The following PLXDC1 variants were observed in gnomAD, a reference collection of about 807,000 sequenced individuals.
PLXDC1 encodes the protein plexin domain-containing protein 1.
In PLXDC1, 39 loss-of-function variants were observed where a neutral mutation model predicts 61.3. The ratio of observed to expected loss-of-function variants is 0.64; its 90% CI spans 0.49 to 0.83. The LOEUF (loss-of-function observed/expected upper bound fraction) is 0.83. PLXDC1 is among the 40% of genes least tolerant of loss of function. The pLI is 0.00. For missense variants in PLXDC1, 596 were observed against 666.5 expected (o/e 0.89, Z 1.17); for synonymous variants, 212 against 254.5 (o/e 0.83, Z 1.59).
chr17:39,131,981 C>T (rs16496), intron 2 of PLXDC1: 2,839 of 152,742 alleles, frequency 0.019, 83 homozygotes, highest in African/African-American at 0.064. Context: ...GACACAGGGT[C>T]CCTCGCATTC....
intron 1 of PLXDC1, among the ~76,000 whole-genome samples, chr17:39,145,728 T>C (rs988821192): frequency 5.3e-5 from 8 of 152,082 alleles, no homozygotes; most frequent in Non-Finnish European, 8.8e-5. Flanking sequence ...GGAACTTCAT[T>C]GTAGTATCAG....
intron 7 of PLXDC1, among the ~76,000 whole-genome samples, chr17:39,091,120 A>G (rs1339013962): frequency 6.6e-6 from 1 of 152,020 alleles, no homozygotes; most frequent in Admixed American, 6.5e-5. Context: ...CCCCCACCCT[A>G]GCTTCCCCTT....
At chr17:39,148,343 A>G (rs901090145) in intron 1 of PLXDC1, among the ~76,000 whole-genome samples, 3 of 152,032 alleles carry the variant, frequency 2.0e-5, no homozygotes, top group Admixed American at 6.6e-5. Context: ...ACCTGGGACT[A>G]CAGGCGCACA....
chr17:39,069,218 A>C lies in PLXDC1; in HGVS notation c.1383+638T>G, dbSNP rs137903181. On this transcript the variant is annotated intron_variant, in intron 13 of 13. Transcript: ENST00000315392. ...ACCACTGGGCTCAAGGGATCCTCCC[A>C]CCTCAGCTTCCCAAGCGGCTGGGAC... Among the ~76,000 whole-genome samples, 103 of 152,176 alleles carry C rather than the reference A, an allele frequency of 6.8e-4. 2 individuals are homozygous for C. The East Asian group carries it at 0.017, about 25-fold the overall frequency.
At chr17:39,136,871 TAAAC>T (rs1282587825) in intron 2 of PLXDC1, among the ~76,000 whole-genome samples, 2 of 151,020 alleles carry the variant, frequency 1.3e-5, no homozygotes, top group African/African-American at 2.4e-5. Flanking sequence ...CACTAACAAA[TAAAC>T]AACAAAAAAT....
At chr17:39,083,327 G>T in intron 9 of PLXDC1, 132 bp downstream of exon 9, 1 of 721,612 alleles carries the variant, frequency 1.4e-6, no homozygotes, top group Non-Finnish European at 2.5e-6. Context: ...TGTCCCAAGA[G>T]TCAGAGTGGT....
At position 39,106,648 on chromosome 17, in the gene PLXDC1, C is replaced by CTTTT. The variant is rs199666120; in HGVS notation, c.712-696_712-695insAAAA. ...GCCTTCTTTTTTCTTTTTTCTTTTT[C>CTTTT]TTTCTTTTTTTTTTTTTTTGAGACA... is the stretch of plus-strand genomic sequence containing the variant. On this transcript the variant is annotated intron_variant, in intron 6 of 13. Coordinates refer to ENST00000315392, the MANE Select transcript of PLXDC1 (RefSeq NM_020405.5). Among the ~76,000 whole-genome samples the CTTTT allele has an allele frequency of 9.8e-5, 12 of 122,584 alleles. 1 individual carries two copies. The highest frequency in any genetic ancestry group is 2.6e-4 in the South Asian group (1 of 3,888). The allele number at this position is 122,584 out of a possible 152,430, so 80.4% of individuals were successfully genotyped here.
Position 39,063,498 on chromosome 17 carries a change from A to C in PLXDC1, c.*4342T>G, listed in dbSNP as rs1239649351. The C allele has an allele frequency of 1.4e-6, 1 of 702,990 alleles. No individual in the cohort carries two copies. The highest frequency in any genetic ancestry group is 2.7e-5 in the East Asian group (1 of 37,294). The allele number at this position is 702,990 out of a possible 1,614,324, so 43.5% of individuals were successfully genotyped here. A position where few individuals can be genotyped will look rare whatever the true frequency, so the allele number is the denominator to read the frequency against. ...GCAGATAGCTGGAGGCTGTTCCCAC[A>C]GTCATGTCTCAGCGAAGAAGTCGGA... On this transcript the variant is annotated 3_prime_UTR_variant, in exon 14 of 14. Coordinates refer to ENST00000315392, the MANE Select transcript of PLXDC1 (RefSeq NM_020405.5).
intron 2 of PLXDC1, among the ~76,000 whole-genome samples, chr17:39,119,134 T>C (rs1911081049): frequency 6.6e-6 from 1 of 152,140 alleles, no homozygotes; most frequent in Non-Finnish European, 1.5e-5. Context: ...TGTCCAGCCC[T>C]TGGGTCTCCC....
intron 1 of PLXDC1, among the ~76,000 whole-genome samples, chr17:39,142,034 T>C (rs1911951194): frequency 6.6e-6 from 1 of 152,202 alleles, no homozygotes; most frequent in African/African-American, 2.4e-5. Context: ...TTCATTGTTA[T>C]GCGGGAACTG....
chr17:39,095,186 A>G (rs1336374717), intron 7 of PLXDC1, among the ~76,000 whole-genome samples: 2 of 150,962 alleles, frequency 1.3e-5, no homozygotes, highest in African/African-American at 4.9e-5. Flanking sequence ...TGTCCTCTGA[A>G]AATACAGTCC....
Position 39,151,277 on chromosome 17 carries a change from G to A in PLXDC1, c.76+85C>T. On this transcript the variant is annotated intron_variant, in intron 1 of 13. Transcript: ENST00000315392. This position sits in a 1 kb window ranked among gnomAD's most constrained non-coding sequence, Gnocchi z 5.2. Reference sequence around the variant, plus strand: ...ATGCCCCCCTCGCGGACATCGCCAGGCCGTCCACACCTGCCCATGCCCACA... The same window carrying A: ...ATGCCCCCCTCGCGGACATCGCCAGACCGTCCACACCTGCCCATGCCCACA... The A allele has an allele frequency of 2.9e-6, 3 of 1,050,644 alleles. No homozygotes were observed. Among genetic ancestry groups the A allele is most frequent in the Non-Finnish European group, 3.7e-6 (3 of 819,246 alleles). 65.1% of individuals were successfully genotyped at this position (1,050,644 alleles called of 1,614,324 possible).
chr17:39,093,227 C>G (rs926696386), intron 7 of PLXDC1, among the ~76,000 whole-genome samples: 4 of 151,974 alleles, frequency 2.6e-5, no homozygotes, highest in Non-Finnish European at 5.9e-5. Context: ...AAGGCTCATG[C>G]CCTGGTAATT....
intron 13 of PLXDC1, among the ~76,000 whole-genome samples, chr17:39,068,561 C>A (rs1182842224): frequency 6.6e-6 from 1 of 152,182 alleles, no homozygotes; most frequent in Admixed American, 6.5e-5. Flanking sequence ...CCTGTAGTCG[C>A]AACTACTCAG....
chr17:39,098,424 G>C (rs1910301050), intron 7 of PLXDC1, among the ~76,000 whole-genome samples: 1 of 152,032 alleles, frequency 6.6e-6, no homozygotes, highest in Non-Finnish European at 1.5e-5. Context: ...ATTCCCTTCA[G>C]CGGTGCCCTA....
At chr17:39,128,097 G>GTATGTATATATATATATATATA (rs1911380355) in intron 2 of PLXDC1, among the ~76,000 whole-genome samples, 2 of 67,478 alleles carry the variant, frequency 3.0e-5, no homozygotes. Context: ...CTCTCTATGT[G>GTATGTATATATATATATATATA]TATATATATA....
chr17:39,123,121 A>T (rs920566690), intron 2 of PLXDC1, among the ~76,000 whole-genome samples: 14 of 152,302 alleles, frequency 9.2e-5, no homozygotes, highest in Middle Eastern at 6.8e-3. Flanking sequence ...GGGCTCCATT[A>T]TGTAATGGTT....
upstream of PLXDC1, chr17:39,152,454 A>C: frequency 9.3e-7 from 1 of 1,079,018 alleles, no homozygotes; most frequent in Non-Finnish European, 1.2e-6. Context: ...TTCTTCCAGG[A>C]CAGAATAAAA....
At chr17:39,090,642 C>G (rs909351983) in intron 7 of PLXDC1, among the ~76,000 whole-genome samples, 1 of 152,184 alleles carries the variant, frequency 6.6e-6, no homozygotes, top group Non-Finnish European at 1.5e-5. Context: ...TGGTGTTGTC[C>G]TGAGAATTAA....
Sources: allele counts gnomAD v4.1 joint callset (sites outside exome capture counted in the v4.1 genomes callset), GRCh38; gene constraint gnomAD v4.1.1; non-coding constraint Gnocchi (gnomAD v3.1); transcripts MANE v1.5; gene names NCBI Gene and HGNC (gene_info 2026-07-23, HGNC 2026-07-21).